The following TRIQK variants were observed in gnomAD, a reference collection of about 807,000 sequenced individuals.
The protein encoded by TRIQK is triple QxxK/R motif-containing protein.
A neutral mutation model predicts 10.8 loss-of-function variants in TRIQK; 10 were observed. The observed-to-expected ratio is 0.92, with a 90% CI of 0.57 to 1.57. The LOEUF (loss-of-function observed/expected upper bound fraction) is 1.57, where lower values mean the gene tolerates loss of function less well. Ranked by LOEUF, TRIQK falls within the 40% of genes most tolerant of loss-of-function variation. The pLI is 0.00. For synonymous variants in TRIQK, 33 were observed against 33.7 expected (o/e 0.98, Z 0.07); for missense variants, 107 against 97.7 (o/e 1.09, Z -0.40).
rs370031458 is a variant in TRIQK at position 92,931,452 on chromosome 8, T to A, written c.-21-14442A>T. Among the ~76,000 whole-genome samples, 31 of 152,210 alleles carry A rather than the reference T, an allele frequency of 2.0e-4. No homozygotes were observed. In the East Asian group the frequency reaches 5.2e-3, roughly 26 times the overall value. On this transcript the variant is annotated intron_variant, in intron 2 of 4. Transcript: ENST00000521988. ...GGCTTACATAAGTCACATTACCCAATATTACTTGCCCGATTTCTCAAACAA... is the reference window on the plus strand; with the variant it reads ...GGCTTACATAAGTCACATTACCCAAAATTACTTGCCCGATTTCTCAAACAA...
At chr8:93,014,322 A>G (rs930359179) in intron 1 of TRIQK, among the ~76,000 whole-genome samples, 28 of 152,064 alleles carry the variant, frequency 1.8e-4, no homozygotes, top group African/African-American at 6.8e-4. Flanking sequence ...ATGTAGAGTA[A>G]TGATATATAT....
At chr8:92,977,757 G>A (rs971909815) in intron 1 of TRIQK, among the ~76,000 whole-genome samples, 2 of 151,924 alleles carry the variant, frequency 1.3e-5, no homozygotes, top group African/African-American at 4.8e-5. Flanking sequence ...GTTGGGTTCT[G>A]GATATTTTTG....
chr8:93,005,334 G>A (rs1813257178), intron 1 of TRIQK, among the ~76,000 whole-genome samples: 1 of 152,134 alleles, frequency 6.6e-6, no homozygotes, highest in Non-Finnish European at 1.5e-5. Flanking sequence ...CAGAGCTCAT[G>A]ATAACTCACT....
chr8:92,902,814 T>C (rs1034767190), intron 3 of TRIQK, among the ~76,000 whole-genome samples: 3 of 152,086 alleles, frequency 2.0e-5, no homozygotes, highest in Admixed American at 6.6e-5. Context: ...TTCTCTTTGT[T>C]CCCTTTGATT....
intron 1 of TRIQK, among the ~76,000 whole-genome samples, chr8:92,993,930 C>T (rs188400581): frequency 1.4e-3 from 211 of 152,198 alleles, no homozygotes; most frequent in Admixed American, 2.4e-3. Context: ...GGCAAACTTC[C>T]TGGGAGGCAA....
chr8:92,910,843 T>A (rs771784677), intron 3 of TRIQK, among the ~76,000 whole-genome samples: 19 of 151,456 alleles, frequency 1.3e-4, no homozygotes, highest in Admixed American at 3.9e-4. Flanking sequence ...CAAAAACTGA[T>A]AGCATTACAA....
chr8:92,886,581 T>C lies in TRIQK; in HGVS notation c.*41A>G. 7.6e-7 allele frequency: 1 copy of C among 1,317,204 alleles called. No individual in the cohort carries two copies. The highest frequency in any genetic ancestry group is 2.6e-5 in the Admixed American group (1 of 38,620). 81.6% of individuals were successfully genotyped at this position (1,317,204 alleles called of 1,614,324 possible). On this transcript the variant is annotated 3_prime_UTR_variant, in exon 5 of 5. Transcript: ENST00000521988. Reference sequence around the variant, plus strand: ...AAAGTTTTGGTCCCAAAAGGTGCTTTCGTAAAGTTATTTCTCTTTCATGCA... The same window carrying C: ...AAAGTTTTGGTCCCAAAAGGTGCTTCCGTAAAGTTATTTCTCTTTCATGCA...
chr8:93,000,340 G>C (rs540660633), intron 1 of TRIQK, among the ~76,000 whole-genome samples: 1 of 152,296 alleles, frequency 6.6e-6, no homozygotes, highest in Admixed American at 6.5e-5. Context: ...CATGGCCCGG[G>C]AGGCTTCACA....
Position 92,884,847 on chromosome 8 carries a change from G to A in TRIQK, c.*1775C>T, listed in dbSNP as rs531028746. On this transcript the variant is annotated 3_prime_UTR_variant, in exon 5 of 5. Transcript: ENST00000521988. ...TTGTTCACGTAAATGTGATGGGAGT[G>A]GGGGGGTGGGGAGCAGTATTTCTTG... 2.2e-6 allele frequency: 1 copy of A among 455,776 alleles called. No individual in the cohort carries two copies. The allele number at this position is 455,776 out of a possible 1,614,324, so 28.2% of individuals were successfully genotyped here.
chr8:92,981,100 A>T (rs551983208), intron 1 of TRIQK, among the ~76,000 whole-genome samples: 2 of 151,842 alleles, frequency 1.3e-5, no homozygotes, highest in Admixed American at 1.3e-4. Context: ...CTTCTTAATA[A>T]ATTATTATTT....
At chr8:92,935,589 A>T (rs1810945534) in intron 2 of TRIQK, among the ~76,000 whole-genome samples, 1 of 151,666 alleles carries the variant, frequency 6.6e-6, no homozygotes, top group Non-Finnish European at 1.5e-5. Context: ...AATTACAAAA[A>T]GTCATAAACT....
chr8:92,900,751 G>A (rs76413113), intron 3 of TRIQK, among the ~76,000 whole-genome samples: 9,051 of 151,876 alleles, frequency 0.06, 343 homozygotes, highest in Non-Finnish European at 0.092. Flanking sequence ...ATAAATGTTA[G>A]GATTACTTTT....
chr8:92,891,249 TA>T (rs1249686790), intron 4 of TRIQK, among the ~76,000 whole-genome samples: 3 of 151,942 alleles, frequency 2.0e-5, no homozygotes, highest in Non-Finnish European at 2.9e-5. Context: ...ATCTGCCAGA[TA>T]AAACCCAAAA....
chr8:92,924,230 A>G (rs1810329886), intron 2 of TRIQK, among the ~76,000 whole-genome samples: 1 of 151,980 alleles, frequency 6.6e-6, no homozygotes, highest in African/African-American at 2.4e-5. Flanking sequence ...TTTGTCCCTG[A>G]TCTTATCACA....
intron 3 of TRIQK, among the ~76,000 whole-genome samples, chr8:92,903,837 A>C (rs983307803): frequency 6.6e-6 from 1 of 152,152 alleles, no homozygotes; most frequent in Non-Finnish European, 1.5e-5. Flanking sequence ...TGTTATCCCA[A>C]ACCTTGTGTA....
chr8:92,940,593 T>C (rs1260412426), intron 2 of TRIQK, among the ~76,000 whole-genome samples: 1 of 152,200 alleles, frequency 6.6e-6, no homozygotes, highest in East Asian at 1.9e-4. Flanking sequence ...TGTAAATATA[T>C]ATGCACCCAA....
chr8:93,000,808 C>A (rs1813202442), intron 1 of TRIQK, among the ~76,000 whole-genome samples: 1 of 149,226 alleles, frequency 6.7e-6, no homozygotes, highest in Admixed American at 6.7e-5. Flanking sequence ...AAAAAAATTA[C>A]AGCACATACA....
intron 1 of TRIQK, among the ~76,000 whole-genome samples, chr8:92,992,668 C>G (rs1813107771): frequency 6.6e-6 from 1 of 152,144 alleles, no homozygotes; most frequent in African/African-American, 2.4e-5. Context: ...GAGGCAGGAT[C>G]AAGAGAACTG....
chr8:92,898,252 T>G (rs1175136343), intron 3 of TRIQK, among the ~76,000 whole-genome samples: 1 of 152,060 alleles, frequency 6.6e-6, no homozygotes, highest in Non-Finnish European at 1.5e-5. Context: ...TCCAGACTGG[T>G]CAAATTGTGA....
Sources: gnomAD v4.1 joint callset for allele counts (sites outside exome capture counted in the v4.1 genomes callset) on GRCh38, gnomAD v4.1.1 for gene constraint, MANE v1.5 for transcripts, NCBI Gene and HGNC (gene_info 2026-07-23, HGNC 2026-07-21) for gene names.